Variants in DNMT1 observed in about 807,000 individuals in gnomAD.
The protein encoded by DNMT1 is DNA methyltransferase 1.
DNMT1 carries 24 observed loss-of-function variants against 205.3 expected under a neutral mutation model. The ratio of observed to expected loss-of-function variants is 0.12; its 90% CI spans 0.08 to 0.16. The LOEUF is 0.16. Ranked by LOEUF, DNMT1 falls within the 10% of genes least tolerant of loss-of-function variation. The probability of loss-of-function intolerance (pLI) is 1.00; values close to 1 mark genes in which losing one functional copy is unlikely to be tolerated. For synonymous variants in DNMT1, 817 were observed against 839.8 expected (o/e 0.97, Z 0.47); for missense variants, 1,293 against 2,177.7 (o/e 0.59, Z 8.09).
At chr19:10,193,720 C>A (rs2039346529) in intron 1 of DNMT1, among the ~76,000 whole-genome samples, 1 of 151,328 alleles carries the variant, frequency 6.6e-6, no homozygotes, top group Non-Finnish European at 1.5e-5. Flanking sequence ...AAATATCCAT[C>A]CCTCCCCAAA....
chr19:10,155,820 C>A, intron 19 of DNMT1, 33 bp downstream of exon 19: 1 of 1,601,942 alleles, frequency 6.2e-7, no homozygotes, highest in South Asian at 1.1e-5. Context: ...CCCTTTCAGA[C>A]CCCGGCCAGC....
chr19:10,140,883 A>G lies in DNMT1; in HGVS notation c.3421T>C (p.Cys1141Arg). The G allele has an allele frequency of 6.2e-7, 1 of 1,614,132 alleles. No individual in the cohort carries two copies. ...KGKGKPKSQA[C>R]EPSEPEIEIK... ...TCTATCTCTGGCTCGCTCGGCTCAC[A>G]GGCTTGGGACTTGGGCTTGCCCTTC... The change falls in exon 32 of 41, where the codon TGT becomes CGT. Residue 1141 changes from cysteine to arginine, a missense_variant. Physicochemically the swap from Cys to Arg is radical, Grantham distance 180. Around this residue, in one of 13 missense-constraint regions of DNMT1, gnomAD observed 167 missense variants for 258.1 expected, o/e 0.65. Transcript: ENST00000359526. The surrounding 1 kb of genome is among the most constrained non-coding windows in gnomAD (Gnocchi z 8.4).
In DNMT1 at chr19:10,172,867, C is replaced by G. The variant is rs138607049; in HGVS notation, c.768+223G>C. On this transcript the variant is annotated intron_variant, in intron 9 of 40. Coordinates refer to ENST00000359526, the MANE Select transcript of DNMT1 (RefSeq NM_001130823.3). ...AAAATAAAATATCACAAATAAGTAG[C>G]AAGGGTCCTCACTATCACAATCTCA... Among the ~76,000 whole-genome samples, 306 of 152,070 alleles carry G rather than the reference C, an allele frequency of 2.0e-3. 1 individual carries two copies. Among genetic ancestry groups the G allele is most frequent in the African/African-American group, 6.9e-3 (285 of 41,496 alleles).
chr19:10,151,437 C>T lies in DNMT1; in HGVS notation c.2226G>A (p.Gln742=). The change falls in exon 24 of 41, where the codon CAG becomes CAA. Residue 742 remains glutamine (Q), a synonymous_variant. Coordinates refer to ENST00000359526, the MANE Select transcript of DNMT1 (RefSeq NM_001130823.3). This position sits in a 1 kb window ranked among gnomAD's most constrained non-coding sequence, Gnocchi z 5.0. ...KKMHQGKKKK[Q]NKNRISWVGE... is the part of the protein sequence containing the mutation. ...CGACCCAAGAGATGCGATTCTTGTT[C>T]TGTTTCTTCTTCTTCCCCTGGTGCA... The T allele has an allele frequency of 6.2e-7, 1 of 1,614,006 alleles. No homozygotes were observed. Among genetic ancestry groups the T allele is most frequent in the Non-Finnish European group, 8.5e-7 (1 of 1,180,016 alleles).
At position 10,175,625 on chromosome 19, in the gene DNMT1, C is replaced by T. The variant is rs2145365826; in HGVS notation, c.570-7G>A. The T allele has an allele frequency of 6.2e-7, 1 of 1,614,064 alleles. No homozygotes were observed. The highest frequency in any genetic ancestry group is 8.5e-7 in the Non-Finnish European group (1 of 1,179,924). ...AGGTTTCCGTTTGGCAGGGCTGTCA[C>T]ACACAGTGAGGCCAACCATTAGTGG... is the stretch of plus-strand genomic sequence containing the variant. On this transcript the variant is annotated splice_region_variant and splice_polypyrimidine_tract_variant and intron_variant, in intron 6 of 40. Coordinates refer to ENST00000359526, the MANE Select transcript of DNMT1 (RefSeq NM_001130823.3).
chr19:10,170,769 G>GT (rs934191962), intron 9 of DNMT1, among the ~76,000 whole-genome samples: 17 of 151,250 alleles, frequency 1.1e-4, no homozygotes, highest in South Asian at 6.3e-4. Context: ...AGTCATCTTG[G>GT]TTTTTTTTTG....
intron 1 of DNMT1, among the ~76,000 whole-genome samples, chr19:10,191,069 C>T (rs745480487): frequency 5.3e-5 from 8 of 150,214 alleles, no homozygotes; most frequent in Non-Finnish European, 1.0e-4. Flanking sequence ...GCCGAGATCA[C>T]GGCCACTGCA....
At chr19:10,147,039 G>A (rs915000502) in intron 27 of DNMT1, among the ~76,000 whole-genome samples, 2 of 152,018 alleles carry the variant, frequency 1.3e-5, no homozygotes, top group African/African-American at 4.8e-5. Flanking sequence ...CAGGAGGGTC[G>A]CTTGAGCCCA....
rs904075081 is a variant in DNMT1 at position 10,151,094 on chromosome 19, TAAACA to T, written c.2265+299_2265+303del. On this transcript the variant is annotated intron_variant, in intron 24 of 40. Coordinates refer to ENST00000359526, the MANE Select transcript of DNMT1 (RefSeq NM_001130823.3). This position sits in a 1 kb window ranked among gnomAD's most constrained non-coding sequence, Gnocchi z 5.0. ...TGGGTGACAGAGCAAGATTCCATCT[TAAACA>T]AAACAAAACAGAAAAACAAGCTATG... Among the ~76,000 whole-genome samples, 9 of 151,978 alleles carry T rather than the reference TAAACA, an allele frequency of 5.9e-5. No individual in the cohort carries two copies. Among genetic ancestry groups the T allele is most frequent in the Non-Finnish European group, 8.8e-5 (6 of 67,980 alleles).
chr19:10,144,330 C>T, intron 28 of DNMT1: 1 of 351,364 alleles, frequency 2.8e-6, no homozygotes, highest in South Asian at 2.3e-5. Context: ...ATTGCTTGAA[C>T]CCAGGAGGCA....
chr19:10,169,825 T>G (rs1194288867), intron 9 of DNMT1, among the ~76,000 whole-genome samples: 5 of 151,964 alleles, frequency 3.3e-5, no homozygotes, highest in African/African-American at 1.2e-4. Context: ...ATCCTGAGAG[T>G]ATGCTTACAG....
In DNMT1 at chr19:10,137,761, C is replaced by A. The variant is rs1465202077; in HGVS notation, c.4293+71G>T. 5.1e-6 allele frequency: 8 copies of A among 1,567,984 alleles called. No individual in the cohort carries two copies. The highest frequency in any genetic ancestry group is 6.1e-6 in the Non-Finnish European group (7 of 1,155,210). ...TTCCATGTCTCCCCTGAGTCTTGGG[C>A]AGGCTGACTGTTCCCACGAGGCTGC... On this transcript the variant is annotated intron_variant, in intron 36 of 40. Transcript: ENST00000359526. The surrounding 1 kb of genome is among the most constrained non-coding windows in gnomAD (Gnocchi z 6.4).
At chr19:10,149,331 A>G in intron 26 of DNMT1, 122 bp downstream of exon 26, 1 of 730,214 alleles carries the variant, frequency 1.4e-6, no homozygotes, top group South Asian at 2.8e-5. Context: ...GTCTCAAAAC[A>G]AAAAAAAAAA....
At chr19:10,161,035 G>C (rs1032306109) in intron 13 of DNMT1, among the ~76,000 whole-genome samples, 1 of 148,878 alleles carries the variant, frequency 6.7e-6, no homozygotes, top group Non-Finnish European at 1.5e-5. Flanking sequence ...GGCCGGGCGC[G>C]ATGGCTCACG....
chr19:10,159,519 G>T lies in DNMT1; in HGVS notation c.1280+139C>A. On this transcript the variant is annotated intron_variant, in intron 17 of 40. Transcript: ENST00000359526. The surrounding 1 kb of genome is among the most constrained non-coding windows in gnomAD (Gnocchi z 5.0). ...CCACCGCGCCCAGCCCTCCACGGTGGCTCTTATCCACGAAGTGTTAGCTTA... is the reference window on the plus strand; with the variant it reads ...CCACCGCGCCCAGCCCTCCACGGTGTCTCTTATCCACGAAGTGTTAGCTTA... The T allele has an allele frequency of 2.2e-6, 2 of 890,294 alleles. No homozygotes were observed. Among genetic ancestry groups the T allele is most frequent in the Non-Finnish European group, 3.6e-6 (2 of 561,078 alleles). 55.1% of individuals were successfully genotyped at this position (890,294 alleles called of 1,614,324 possible). A position where few individuals can be genotyped will look rare whatever the true frequency, so the allele number is the denominator to read the frequency against.
intron 2 of DNMT1, 39 bp from the exon 3 acceptor site, chr19:10,180,924 C>T (rs774891113): frequency 6.4e-7 from 1 of 1,554,550 alleles, no homozygotes; most frequent in Non-Finnish European, 8.9e-7. Context: ...CCCACATTCC[C>T]AAGCTATTCA....
chr19:10,134,945 C>T (rs1391776580), intron 39 of DNMT1, among the ~76,000 whole-genome samples: 1 of 151,380 alleles, frequency 6.6e-6, no homozygotes, highest in Non-Finnish European at 1.5e-5. Flanking sequence ...GGCGCAGTGG[C>T]TCATGCCTGT....
chr19:10,138,341 T>A lies in DNMT1; in HGVS notation c.4115+98A>T. 1 of 1,577,784 alleles carries A rather than the reference T, an allele frequency of 6.3e-7. No homozygotes were observed. The highest frequency in any genetic ancestry group is 8.6e-7 in the Non-Finnish European group (1 of 1,157,102). On this transcript the variant is annotated intron_variant, in intron 35 of 40. Coordinates refer to ENST00000359526, the MANE Select transcript of DNMT1 (RefSeq NM_001130823.3). The surrounding 1 kb of genome is among the most constrained non-coding windows in gnomAD (Gnocchi z 4.1). ...GTGTGGCAGGGCAGATGCTGTACCA[T>A]CCTCTCCTCCCCAAGCCTCACCAGG... is the stretch of plus-strand genomic sequence containing the variant.
chr19:10,142,355 AC>A, intron 29 of DNMT1, 135 bp from the exon 30 acceptor site: 1 of 1,231,840 alleles, frequency 8.1e-7, no homozygotes, highest in Non-Finnish European at 1.2e-6. Flanking sequence ...CAGGGTAAAG[AC>A]CCCCTCAGTT....
Sources: allele counts gnomAD v4.1 joint callset (sites outside exome capture counted in the v4.1 genomes callset), GRCh38; gene constraint gnomAD v4.1.1; regional missense constraint gnomAD v4.1.1; non-coding constraint Gnocchi (gnomAD v3.1); transcripts MANE v1.5; gene names NCBI Gene and HGNC (gene_info 2026-07-23, HGNC 2026-07-21).